Variants in LDAH observed in about 807,000 individuals in gnomAD.
LDAH encodes the protein lipid droplet associated hydrolase, also known as lipid droplet-associated hydrolase.
In LDAH, 26 loss-of-function variants were observed where a neutral mutation model predicts 29.6. That is an observed-to-expected ratio of 0.88 (90% CI 0.64 to 1.22). The LOEUF (loss-of-function observed/expected upper bound fraction) is 1.22. Ranked by LOEUF, LDAH falls within the 50% of genes most tolerant of loss-of-function variation. The pLI is 0.00. For synonymous variants in LDAH, 117 were observed against 133.0 expected, an observed-to-expected ratio of 0.88 and a Z score of 0.83; for missense variants, 344 against 387.3, an observed-to-expected ratio of 0.89 and a Z score of 0.94.
chr2:20,687,732 C>G (rs1251866791), intron 6 of LDAH, among the ~76,000 whole-genome samples: 1 of 152,134 alleles, frequency 6.6e-6, no homozygotes, highest in Non-Finnish European at 1.5e-5. Context: ...TTACTAAGAC[C>G]CTGAATGGAT....
At chr2:20,704,079 G>A (rs1664143428) in intron 5 of LDAH, among the ~76,000 whole-genome samples, 1 of 152,166 alleles carries the variant, frequency 6.6e-6, no homozygotes, top group African/African-American at 2.4e-5. Flanking sequence ...TGTGAACAGA[G>A]AAGAACTTGA....
intron 5 of LDAH, among the ~76,000 whole-genome samples, chr2:20,735,330 T>C (rs1342853109): frequency 6.6e-6 from 1 of 152,172 alleles, no homozygotes; most frequent in Non-Finnish European, 1.5e-5. Flanking sequence ...CTATTTTCTC[T>C]CTATTGGATA....
intron 3 of LDAH, among the ~76,000 whole-genome samples, chr2:20,776,086 T>G (rs1669807354): frequency 6.6e-6 from 1 of 152,172 alleles, no homozygotes; most frequent in Non-Finnish European, 1.5e-5. Flanking sequence ...GACAGTCAAC[T>G]GTTTCCTAAA....
chr2:20,803,623 C>T (rs1572667843), intron 1 of LDAH, among the ~76,000 whole-genome samples: 1 of 152,176 alleles, frequency 6.6e-6, no homozygotes. Context: ...CTGATTCCCT[C>T]TGCATGCTCT....
intron 5 of LDAH, among the ~76,000 whole-genome samples, chr2:20,711,341 C>T (rs906937326): frequency 2.6e-5 from 4 of 150,986 alleles, no homozygotes; most frequent in African/African-American, 7.3e-5. Flanking sequence ...GCCGAGATTG[C>T]GCCACTGCAC....
intron 3 of LDAH, chr2:20,789,080 TTC>T: frequency 6.6e-6 from 10 of 1,526,438 alleles, no homozygotes; most frequent in Non-Finnish European, 8.9e-6. Context: ...GTGCTACTCT[TTC>T]TGTCTGTTGT....
At chr2:20,790,112 C>T in intron 3 of LDAH, 143 bp downstream of exon 3, 1 of 763,880 alleles carries the variant, frequency 1.3e-6, no homozygotes, top group Admixed American at 2.5e-5. Context: ...CTCTAAAAAT[C>T]CTAAGTTTAC....
rs990411245 is a variant in LDAH, at chr2:20,721,564, CA to C, written c.703+18406del. On this transcript the variant is annotated intron_variant, in intron 5 of 6. Coordinates refer to ENST00000237822, the MANE Select transcript of LDAH (RefSeq NM_021925.4). ...AAAACATTAAAAACAAACCAACAAA[CA>C]AAAAAAAAACCCCACAATTAGGTGT... 6.3e-4 allele frequency among the ~76,000 whole-genome samples: 94 copies of C among 149,502 alleles called. No homozygotes were observed. The South Asian group carries it at 0.015, about 25-fold the overall frequency.
At chr2:20,687,622 G>A (rs1010833745) in intron 6 of LDAH, among the ~76,000 whole-genome samples, 4 of 152,220 alleles carry the variant, frequency 2.6e-5, no homozygotes, top group Non-Finnish European at 5.9e-5. Context: ...TCTAAGAAAA[G>A]GCTCTATGCA....
chr2:20,708,023 A>G (rs1187952553), intron 5 of LDAH, among the ~76,000 whole-genome samples: 1 of 151,858 alleles, frequency 6.6e-6, no homozygotes, highest in Non-Finnish European at 1.5e-5. Context: ...GTCCCCCATC[A>G]CCCTCAGATG....
At chr2:20,822,281 C>A (rs960478194) in intron 1 of LDAH, among the ~76,000 whole-genome samples, 1 of 152,226 alleles carries the variant, frequency 6.6e-6, no homozygotes. Context: ...CCCGCCACCA[C>A]GCCCGGCTAA....
chr2:20,816,971 G>A (rs1395629912), intron 1 of LDAH, among the ~76,000 whole-genome samples: 2 of 151,936 alleles, frequency 1.3e-5, no homozygotes, highest in African/African-American at 2.4e-5. Context: ...TATTTTCATG[G>A]GTCAAGCAAA....
rs145730559 is a variant in LDAH, at chr2:20,716,278, G to A, written c.704-14626C>T. 5.1e-3 allele frequency among the ~76,000 whole-genome samples: 775 copies of A among 152,146 alleles called. 6 individuals are homozygous for A. Among genetic ancestry groups the A allele is most frequent in the African/African-American group, 0.016 (683 of 41,526 alleles). ...TGCTACTATAAAGACACATGCACACGTATATTTATTGCAGCACTGTTCACA... is the reference window on the plus strand; with the variant it reads ...TGCTACTATAAAGACACATGCACACATATATTTATTGCAGCACTGTTCACA... On this transcript the variant is annotated intron_variant, in intron 5 of 6. Coordinates refer to ENST00000237822, the MANE Select transcript of LDAH (RefSeq NM_021925.4).
intron 2 of LDAH, among the ~76,000 whole-genome samples, chr2:20,797,224 T>C (rs1406013278): frequency 6.6e-6 from 1 of 152,238 alleles, no homozygotes; most frequent in East Asian, 1.9e-4. Context: ...AGAGAAATTC[T>C]CGATCAGGAA....
intron 5 of LDAH, among the ~76,000 whole-genome samples, chr2:20,725,648 C>G (rs1008038104): frequency 3.9e-5 from 6 of 152,224 alleles, no homozygotes; most frequent in Admixed American, 6.5e-5. Context: ...TTGATTGACT[C>G]TACTGAGTCA....
intron 5 of LDAH, among the ~76,000 whole-genome samples, chr2:20,718,511 A>C (rs980026477): frequency 6.6e-6 from 1 of 152,208 alleles, no homozygotes; most frequent in Non-Finnish European, 1.5e-5. Flanking sequence ...ACCCAAATAT[A>C]CAAAACAAAT....
chr2:20,683,379 C>G (rs1253725657), downstream of LDAH, among the ~76,000 whole-genome samples: 1 of 152,228 alleles, frequency 6.6e-6, no homozygotes, highest in Middle Eastern at 3.2e-3. Context: ...TATTTGTTCA[C>G]AGAGCACACT....
intron 5 of LDAH, among the ~76,000 whole-genome samples, chr2:20,710,620 A>C (rs1323094933): frequency 7.5e-6 from 1 of 132,838 alleles, no homozygotes; most frequent in Non-Finnish European, 1.6e-5. Flanking sequence ...ATATATATAT[A>C]GATATATATA....
At chr2:20,773,314 T>TAA (rs56043529) in intron 4 of LDAH, among the ~76,000 whole-genome samples, 6 of 140,316 alleles carry the variant, frequency 4.3e-5, no homozygotes, top group African/African-American at 1.6e-4. Context: ...TCAGACAGAC[T>TAA]AAAAAAAAAA....
Sources: allele counts gnomAD v4.1 joint callset (sites outside exome capture counted in the v4.1 genomes callset), GRCh38; gene constraint gnomAD v4.1.1; transcripts MANE v1.5; gene names NCBI Gene and HGNC (gene_info 2026-07-23, HGNC 2026-07-21).